IRF8: variants seen among roughly 807,000 people sequenced by gnomAD.
IRF8 encodes interferon regulatory factor 8, also known as interferon consensus sequence binding protein 1.
IRF8 carries 14 observed loss-of-function variants against 48.7 expected under a neutral mutation model. The ratio of observed to expected loss-of-function variants is 0.29; its 90% CI spans 0.19 to 0.45. The LOEUF (loss-of-function observed/expected upper bound fraction) is 0.45, where lower values mean the gene tolerates loss of function less well. Ranked by LOEUF, IRF8 falls within the 20% of genes least tolerant of loss-of-function variation. The pLI is 1.00. For synonymous variants in IRF8, 278 were observed against 227.3 expected (o/e 1.22, Z -2.01); for missense variants, 493 against 580.7 (o/e 0.85, Z 1.55).
At chr16:85,902,523 C>T (rs993565939) in intron 1 of IRF8, among the ~76,000 whole-genome samples, 1 of 152,222 alleles carries the variant, frequency 6.6e-6, no homozygotes, top group South Asian at 2.1e-4. Flanking sequence ...CTGAGGGCCT[C>T]CTCTTTCCCA....
chr16:85,921,701 T>G lies in IRF8; in HGVS notation c.*419T>G, dbSNP rs554852317. The stretch of plus-strand genomic sequence containing the variant: ...CAAGGTTGTTTTTGTCTTTATCGTT[T>G]GTTAGAGTTATAGATTTATGATTTC... On this transcript the variant is annotated 3_prime_UTR_variant, in exon 9 of 9. Coordinates refer to ENST00000268638, the MANE Select transcript of IRF8 (RefSeq NM_002163.4). The G allele has an allele frequency of 5.4e-3, 1,370 of 253,744 alleles. 26 individuals carry two copies. The highest frequency in any genetic ancestry group is 0.029 in the African/African-American group (1,274 of 43,922). The allele number at this position is 253,744 out of a possible 1,614,324, so 15.7% of individuals were successfully genotyped here.
At position 85,921,981 on chromosome 16, in the gene IRF8, T is replaced by C. The variant is rs1468252021; in HGVS notation, c.*699T>C. The C allele has an allele frequency of 6.6e-6, 1 of 152,488 alleles. No homozygotes were observed. The allele number at this position is 152,488 out of a possible 1,614,324, so 9.4% of individuals were successfully genotyped here. A position where few individuals can be genotyped will look rare whatever the true frequency, so the allele number is the denominator to read the frequency against. The stretch of plus-strand genomic sequence containing the variant: ...GGAAGATTAGAACTAAATTTATTTT[T>C]TTCATTTCTGTCATGAAATCATTCC... On this transcript the variant is annotated 3_prime_UTR_variant, in exon 9 of 9. Coordinates refer to ENST00000268638, the MANE Select transcript of IRF8 (RefSeq NM_002163.4).
At chr16:85,912,456 A>C (rs769772111) in intron 4 of IRF8, among the ~76,000 whole-genome samples, 5 of 152,236 alleles carry the variant, frequency 3.3e-5, no homozygotes, top group Non-Finnish European at 7.3e-5. Context: ...GAGAATGAAG[A>C]TAACAGAATG....
At chr16:85,919,552 G>A (rs1791447222) in intron 7 of IRF8, among the ~76,000 whole-genome samples, 1 of 152,170 alleles carries the variant, frequency 6.6e-6, no homozygotes, top group South Asian at 2.1e-4. Flanking sequence ...GTGAGGCCGC[G>A]GTTATCACCC....
At chr16:85,913,035 T>G in intron 4 of IRF8, 96 bp from the exon 5 acceptor site, 1 of 913,502 alleles carries the variant, frequency 1.1e-6, no homozygotes, top group East Asian at 2.4e-5. Context: ...AATATGGTTT[T>G]ACTTACACAT....
intron 8 of IRF8, 54 bp from the exon 9 acceptor site, chr16:85,921,052 C>T (rs1323909481): frequency 3.9e-6 from 6 of 1,548,632 alleles, no homozygotes; most frequent in Non-Finnish European, 5.3e-6. Context: ...AGACAGTGCC[C>T]ACCCCCTTTG....
rs1468326237 is a variant in IRF8, at chr16:85,922,582, TTAAAA to T, written c.*1307_*1311del. ...GTATATTGATCTCTTTTATTCTTTATTAAAATAAAATGCTCTTTTTTAAAGCTGCT... is the reference window on the plus strand; with the variant it reads ...GTATATTGATCTCTTTTATTCTTTATTAAAATGCTCTTTTTTAAAGCTGCT... On this transcript the variant is annotated 3_prime_UTR_variant, in exon 9 of 9. Coordinates refer to ENST00000268638, the MANE Select transcript of IRF8 (RefSeq NM_002163.4). The T allele has an allele frequency of 2.0e-5, 3 of 152,246 alleles. No individual in the cohort carries two copies. Among genetic ancestry groups the T allele is most frequent in the African/African-American group, 7.2e-5 (3 of 41,448 alleles). The allele number at this position is 152,246 out of a possible 1,614,324, so 9.4% of individuals were successfully genotyped here. A position where few individuals can be genotyped will look rare whatever the true frequency, so the allele number is the denominator to read the frequency against.
rs972038849 is a variant in IRF8, at chr16:85,911,419, G to GA, written c.359-144dup. The stretch of plus-strand genomic sequence containing the variant: ...TGCTGATCAGATGACTGAAGCATGG[G>GA]AAAAAAATTCTGTGCCTTTCCCAAA... On this transcript the variant is annotated intron_variant, in intron 3 of 8. Coordinates refer to ENST00000268638, the MANE Select transcript of IRF8 (RefSeq NM_002163.4). 2.0e-5 allele frequency: 14 copies of GA among 696,556 alleles called. No individual in the cohort carries two copies. In the African/African-American group the frequency reaches 2.1e-4, roughly 11 times the overall value. 43.1% of individuals were successfully genotyped at this position (696,556 alleles called of 1,614,324 possible).
At chr16:85,920,287 C>CAT in intron 8 of IRF8, 63 bp downstream of exon 8, 1 of 1,103,554 alleles carries the variant, frequency 9.1e-7, no homozygotes, top group Non-Finnish European at 1.3e-6. Flanking sequence ...TGCTCTGTTG[C>CAT]CCAGGCTGGT....
At position 85,921,939 on chromosome 16, in the gene IRF8, C is replaced by G. The variant is rs116102673; in HGVS notation, c.*657C>G. The G allele has an allele frequency of 6.6e-6, 1 of 152,566 alleles. No individual in the cohort carries two copies. The highest frequency in any genetic ancestry group is 1.5e-5 in the Non-Finnish European group (1 of 68,210). 9.5% of individuals were successfully genotyped at this position (152,566 alleles called of 1,614,324 possible). A position where few individuals can be genotyped will look rare whatever the true frequency, so the allele number is the denominator to read the frequency against. On this transcript the variant is annotated 3_prime_UTR_variant, in exon 9 of 9. Coordinates refer to ENST00000268638, the MANE Select transcript of IRF8 (RefSeq NM_002163.4). ...TCTTCAGACAATGAAACCTTCTCCT[C>G]TGGGGCTTTGTTGCCAGGAAGATTA... is the stretch of plus-strand genomic sequence containing the variant.
intron 1 of IRF8, 140 bp from the exon 2 acceptor site, chr16:85,902,875 G>A (rs926874694): frequency 1.6e-5 from 14 of 857,826 alleles, no homozygotes; most frequent in Non-Finnish European, 2.4e-5. Context: ...CAGGTGTCCC[G>A]GAGTCCCTGA....
chr16:85,910,903 C>T (rs1379773290), intron 3 of IRF8, among the ~76,000 whole-genome samples: 2 of 152,212 alleles, frequency 1.3e-5, no homozygotes, highest in Non-Finnish European at 2.9e-5. Context: ...GGTTGTGATA[C>T]GTCTCACACT....
chr16:85,901,777 C>T (rs140148615), intron 1 of IRF8, among the ~76,000 whole-genome samples: 18 of 152,236 alleles, frequency 1.2e-4, no homozygotes, highest in East Asian at 7.7e-4. Context: ...TTCCAGAATG[C>T]GTACTTCTTG....
intron 7 of IRF8, among the ~76,000 whole-genome samples, chr16:85,919,332 G>A (rs1340245828): frequency 2.0e-5 from 3 of 152,132 alleles, no homozygotes; most frequent in Non-Finnish European, 2.9e-5. Flanking sequence ...TACCAGCCTG[G>A]GTGTCTCCTG....
chr16:85,903,935 G>T (rs949713979), intron 2 of IRF8, among the ~76,000 whole-genome samples: 1 of 152,168 alleles, frequency 6.6e-6, no homozygotes, highest in South Asian at 2.1e-4. Flanking sequence ...TGAACCCTTG[G>T]TCCTAACTCC....
At position 85,918,673 on chromosome 16, in the gene IRF8, C is replaced by A. The variant is rs201720336; in HGVS notation, c.858C>A (p.Gly286=). 6.2e-7 allele frequency: 1 copy of A among 1,611,136 alleles called. No homozygotes were observed. Among genetic ancestry groups the A allele is most frequent in the Admixed American group, 1.7e-5 (1 of 59,984 alleles). ...TGCTGCTGCACAGCAGCCGGCAGGG[C>A]GTGTTCGTCAAGCGGCTGTGCCAGG... ...RGVLLHSSRQ[G]VFVKRLCQGR... is the part of the protein sequence containing the mutation. The change falls in exon 7 of 9, where the codon GGC becomes GGA. Residue 286 remains glycine, a synonymous_variant. Transcript: ENST00000268638.
chr16:85,917,042 G>A (rs1905332234), intron 6 of IRF8, among the ~76,000 whole-genome samples: 2 of 152,212 alleles, frequency 1.3e-5, no homozygotes, highest in Admixed American at 6.5e-5. Flanking sequence ...GCCCGTGAAT[G>A]GTGGGTTGTC....
chr16:85,909,703 A>G (rs932211363), intron 3 of IRF8: 1 of 169,258 alleles, frequency 5.9e-6, no homozygotes, highest in African/African-American at 2.4e-5. Context: ...AAATCCCAAG[A>G]AAGCATTTGT....
intron 6 of IRF8, among the ~76,000 whole-genome samples, chr16:85,918,058 G>A (rs549106745): frequency 2.6e-5 from 4 of 152,310 alleles, no homozygotes; most frequent in East Asian, 3.9e-4. Context: ...CCTATGAGAC[G>A]GAGTATTGTC....
Sources: gnomAD v4.1 joint callset for allele counts (sites outside exome capture counted in the v4.1 genomes callset) on GRCh38, gnomAD v4.1.1 for gene constraint, MANE v1.5 for transcripts, NCBI Gene and HGNC (gene_info 2026-07-23, HGNC 2026-07-21) for gene names.